The following GRIK4 variants were observed in gnomAD, a reference collection of about 807,000 sequenced individuals.
GRIK4 encodes the protein glutamate ionotropic receptor kainate type subunit 4.
In GRIK4, 40 loss-of-function variants were observed where a neutral mutation model predicts 104.9. That is an observed-to-expected ratio of 0.38 (90% CI 0.30 to 0.50). The LOEUF (loss-of-function observed/expected upper bound fraction) is 0.50. Ranked by LOEUF, GRIK4 falls within the 20% of genes least tolerant of loss-of-function variation. GRIK4 has a pLI of 0.93. For missense variants in GRIK4, 1,047 were observed against 1,308.1 expected (o/e 0.80, Z 3.08); for synonymous variants, 485 against 524.9 (o/e 0.92, Z 1.04).
At chr11:120,784,365 C>T (rs148623665) in intron 3 of GRIK4, among the ~76,000 whole-genome samples, 310 of 152,244 alleles carry the variant, frequency 2.0e-3, no homozygotes, top group African/African-American at 5.8e-3. Flanking sequence ...TGGAAACAAT[C>T]GAAGTAATGG....
chr11:120,868,684 C>T (rs1051424699), intron 9 of GRIK4: 5 of 151,984 alleles, frequency 3.3e-5, no homozygotes, highest in Admixed American at 3.3e-4. Flanking sequence ...TGGGTTCAAG[C>T]AATTCTCCTG....
At chr11:120,799,544 A>G (rs911102762) in intron 3 of GRIK4, among the ~76,000 whole-genome samples, 2 of 152,246 alleles carry the variant, frequency 1.3e-5, no homozygotes, top group African/African-American at 4.8e-5. Context: ...GTCTGGAGTC[A>G]GGCTGACCTG....
At chr11:120,781,843 C>T (rs1393622542) in intron 3 of GRIK4, among the ~76,000 whole-genome samples, 2 of 152,210 alleles carry the variant, frequency 1.3e-5, no homozygotes, top group Non-Finnish European at 2.9e-5. Context: ...CAGATTCTCA[C>T]CATGGCCCTT....
At chr11:120,674,788 G>A (rs1187485300) in intron 3 of GRIK4, among the ~76,000 whole-genome samples, 1 of 152,208 alleles carries the variant, frequency 6.6e-6, no homozygotes, top group Non-Finnish European at 1.5e-5. Context: ...AGCCCTGGGG[G>A]CCCCCACAGG....
intron 1 of GRIK4, among the ~76,000 whole-genome samples, chr11:120,612,155 G>A (rs767456231): frequency 6.6e-6 from 1 of 152,148 alleles, no homozygotes; most frequent in Non-Finnish European, 1.5e-5. Context: ...CTTATGTGAT[G>A]TATCTCCTTT....
At chr11:120,659,939 C>T (rs879267598) in intron 2 of GRIK4, among the ~76,000 whole-genome samples, 5 of 152,156 alleles carry the variant, frequency 3.3e-5, no homozygotes, top group Admixed American at 2.0e-4. Context: ...GCCATGTTGG[C>T]CAGGCTGGTC....
chr11:120,882,061 A>T (rs1418352352), intron 11 of GRIK4, among the ~76,000 whole-genome samples: 1 of 152,178 alleles, frequency 6.6e-6, no homozygotes, highest in East Asian at 1.9e-4. Context: ...TTCTGCACTG[A>T]CATTGCCTTC....
intron 7 of GRIK4, among the ~76,000 whole-genome samples, chr11:120,836,103 G>A (rs974104822): frequency 2.0e-5 from 3 of 152,222 alleles, no homozygotes; most frequent in Non-Finnish European, 1.5e-5. Flanking sequence ...ACAACCTACG[G>A]ACTCTCTTAT....
chr11:120,778,197 A>G (rs544745940), intron 3 of GRIK4, among the ~76,000 whole-genome samples: 6 of 152,354 alleles, frequency 3.9e-5, no homozygotes, highest in Admixed American at 3.9e-4. Flanking sequence ...TACATCAATT[A>G]TGTCAATTTC....
chr11:120,969,982 T>G (rs1164509619), intron 19 of GRIK4, among the ~76,000 whole-genome samples: 1 of 152,188 alleles, frequency 6.6e-6, no homozygotes, highest in Non-Finnish European at 1.5e-5. Context: ...ACTCAGTTGC[T>G]GGCACCTTAG....
chr11:120,967,022 A>G lies in GRIK4; in HGVS notation c.2267-173A>G, dbSNP rs893787504. 3.3e-5 allele frequency among the ~76,000 whole-genome samples: 5 copies of G among 152,174 alleles called. No individual in the cohort carries two copies. Among genetic ancestry groups the G allele is most frequent in the African/African-American group, 1.2e-4 (5 of 41,456 alleles). ...TGCCCCGCTCTTCCGGGGGAGCCCC[A>G]GTGGAGTAGACAGCACTGGCCCCAT... On this transcript the variant is annotated intron_variant, in intron 18 of 20. Coordinates refer to ENST00000527524, the MANE Select transcript of GRIK4 (RefSeq NM_014619.5). This position sits in a 1 kb window ranked among gnomAD's most constrained non-coding sequence, Gnocchi z 4.2.
At chr11:120,776,927 A>G (rs111484855) in intron 3 of GRIK4, among the ~76,000 whole-genome samples, 69 of 152,232 alleles carry the variant, frequency 4.5e-4, no homozygotes, top group African/African-American at 1.5e-3. Flanking sequence ...GCAACATCCC[A>G]TGATTTCTGC....
intron 13 of GRIK4, among the ~76,000 whole-genome samples, chr11:120,915,160 G>A (rs1943080365): frequency 7.2e-5 from 11 of 152,086 alleles, no homozygotes; most frequent in Admixed American, 6.5e-4. Flanking sequence ...GCAACCCACT[G>A]AGACCTGGGA....
chr11:120,815,483 T>C lies in GRIK4; in HGVS notation c.345+8T>C. 1 of 1,495,206 alleles carries C rather than the reference T, an allele frequency of 6.7e-7. No homozygotes were observed. 92.6% of individuals were successfully genotyped at this position (1,495,206 alleles called of 1,614,324 possible). ...ATCTGTGGAGAGAAGGAGGTGAGTG[T>C]GAGGCAGGGCTGGGGAATATCTGTG... On this transcript the variant is annotated splice_region_variant and intron_variant, in intron 5 of 20. Transcript: ENST00000527524.
chr11:120,648,086 T>C, intron 1 of GRIK4, among the ~76,000 whole-genome samples: 1 of 152,146 alleles, frequency 6.6e-6, no homozygotes, highest in East Asian at 1.9e-4. Flanking sequence ...CCCATCCTTG[T>C]TGAGAGCAGG....
intron 1 of GRIK4, among the ~76,000 whole-genome samples, chr11:120,587,044 G>C (rs957259914): frequency 6.6e-6 from 1 of 152,186 alleles, no homozygotes; most frequent in African/African-American, 2.4e-5. Flanking sequence ...CATTTTTATT[G>C]ATTAAACAAT....
chr11:120,922,596 C>T (rs1261945435), intron 13 of GRIK4, among the ~76,000 whole-genome samples: 1 of 152,210 alleles, frequency 6.6e-6, no homozygotes, highest in Non-Finnish European at 1.5e-5. Flanking sequence ...CTCGCCAACT[C>T]ACAGTTCCTG....
intron 3 of GRIK4, among the ~76,000 whole-genome samples, chr11:120,774,778 A>G (rs2846096): frequency 0.45 from 68,809 of 152,014 alleles, 17,495 homozygotes; most frequent in African/African-American, 0.71. Flanking sequence ...GGAAGCCGAG[A>G]GGAGTGGGGA....
intron 11 of GRIK4, among the ~76,000 whole-genome samples, chr11:120,892,905 A>G (rs1955346839): frequency 6.6e-6 from 1 of 152,182 alleles, no homozygotes; most frequent in Non-Finnish European, 1.5e-5. Context: ...TCCTAGAAAG[A>G]CAGAGGCTCA....
Sources: allele counts gnomAD v4.1 joint callset (sites outside exome capture counted in the v4.1 genomes callset), GRCh38; gene constraint gnomAD v4.1.1; non-coding constraint Gnocchi (gnomAD v3.1); transcripts MANE v1.5; gene names NCBI Gene and HGNC (gene_info 2026-07-23, HGNC 2026-07-21).